Variants in GPC5 observed in about 807,000 individuals in gnomAD.
The protein encoded by GPC5 is glypican-5.
GPC5 carries 47 observed loss-of-function variants against 53.9 expected under a neutral mutation model. That is an observed-to-expected ratio of 0.87 (90% CI 0.69 to 1.11). The LOEUF is 1.11. Ranked by LOEUF, GPC5 falls within the 50% of genes most tolerant of loss-of-function variation. The pLI is 0.00. For synonymous variants in GPC5, 286 were observed against 263.3 expected, an observed-to-expected ratio of 1.09 and a Z score of -0.84; for missense variants, 748 against 713.1, an observed-to-expected ratio of 1.05 and a Z score of -0.56.
chr13:92,410,349 T>A (rs1398254751), intron 7 of GPC5, among the ~76,000 whole-genome samples: 1 of 152,200 alleles, frequency 6.6e-6, no homozygotes, highest in Non-Finnish European at 1.5e-5. Context: ...ACATTTTAGA[T>A]AATTAATCTG....
chr13:92,581,928 T>C (rs1883386666), intron 7 of GPC5, among the ~76,000 whole-genome samples: 2 of 152,132 alleles, frequency 1.3e-5, no homozygotes, highest in South Asian at 2.1e-4. Flanking sequence ...TAGTTTTGAG[T>C]TCCTTATATA....
chr13:92,384,684 A>G (rs1013129424), intron 7 of GPC5, among the ~76,000 whole-genome samples: 4 of 152,164 alleles, frequency 2.6e-5, no homozygotes, highest in African/African-American at 9.7e-5. Context: ...CATTACCTTC[A>G]TCTGAGCAAC....
Position 92,517,497 on chromosome 13 carries a change from G to A in GPC5, c.1562-348785G>A, listed in dbSNP as rs188355428. 4.6e-3 allele frequency among the ~76,000 whole-genome samples: 694 copies of A among 152,284 alleles called. 2 individuals carry two copies. Among genetic ancestry groups the A allele is most frequent in the South Asian group, 8.5e-3 (41 of 4,824 alleles). ...CCCCTGGGAGATGAAGCTTCCAGAG[G>A]AACGATCACGCAGCAACATTTGCTG... On this transcript the variant is annotated intron_variant, in intron 7 of 7. Transcript: ENST00000377067.
At chr13:92,309,566 T>A (rs1243944827) in intron 7 of GPC5, among the ~76,000 whole-genome samples, 1 of 152,124 alleles carries the variant, frequency 6.6e-6, no homozygotes, top group African/African-American at 2.4e-5. Context: ...TAAACATCAT[T>A]TAAAATATTT....
intron 6 of GPC5, among the ~76,000 whole-genome samples, chr13:92,036,402 T>G (rs2040893416): frequency 6.6e-6 from 1 of 152,198 alleles, no homozygotes; most frequent in Non-Finnish European, 1.5e-5. Context: ...AAATAGCATA[T>G]TTCTGATCAA....
intron 5 of GPC5, among the ~76,000 whole-genome samples, chr13:91,900,982 C>T (rs2039492424): frequency 6.6e-6 from 1 of 151,996 alleles, no homozygotes; most frequent in African/African-American, 2.4e-5. Context: ...GATTAATATC[C>T]ATTCTTTAAT....
chr13:92,761,702 T>A (rs1303315863), intron 7 of GPC5, among the ~76,000 whole-genome samples: 1 of 152,216 alleles, frequency 6.6e-6, no homozygotes, highest in Non-Finnish European at 1.5e-5. Flanking sequence ...TAGAATGTAA[T>A]CCATTTACAT....
chr13:92,568,918 TC>T (rs1882940115), intron 7 of GPC5, among the ~76,000 whole-genome samples: 1 of 152,076 alleles, frequency 6.6e-6, no homozygotes, highest in Admixed American at 6.6e-5. Flanking sequence ...AGGCATTGTT[TC>T]TTTTTTTTAG....
intron 7 of GPC5, among the ~76,000 whole-genome samples, chr13:92,461,932 T>A (rs1025983967): frequency 7.2e-5 from 11 of 152,046 alleles, no homozygotes; most frequent in African/African-American, 2.4e-4. Context: ...AAGACCTGTG[T>A]GAAGTGAGGG....
chr13:92,100,992 C>G (rs1164301700), intron 6 of GPC5, among the ~76,000 whole-genome samples: 1 of 151,784 alleles, frequency 6.6e-6, no homozygotes, highest in Non-Finnish European at 1.5e-5. Flanking sequence ...TGAAATATAT[C>G]TATCCCCTAG....
intron 4 of GPC5, among the ~76,000 whole-genome samples, chr13:91,729,358 ATG>A (rs372725706): frequency 4.4e-4 from 67 of 152,260 alleles, no homozygotes; most frequent in African/African-American, 1.5e-3. Flanking sequence ...AAATTATTAT[ATG>A]TGTGTGTGTT....
intron 6 of GPC5, among the ~76,000 whole-genome samples, chr13:91,910,019 A>G (rs1448607572): frequency 8.5e-5 from 13 of 152,194 alleles, no homozygotes; most frequent in Non-Finnish European, 8.8e-5. Context: ...GCAAGAGAAT[A>G]TCAAATACAA....
chr13:91,548,803 A>G (rs574131390), intron 2 of GPC5, among the ~76,000 whole-genome samples: 2 of 152,336 alleles, frequency 1.3e-5, no homozygotes, highest in South Asian at 2.1e-4. Flanking sequence ...CCACATAAAC[A>G]TTGTCAACTG....
At chr13:91,638,959 ATGATGCTTAAAGAAAGTAAAGATAAATG>A (rs2034352443) in intron 2 of GPC5, among the ~76,000 whole-genome samples, 1 of 152,222 alleles carries the variant, frequency 6.6e-6, no homozygotes, top group South Asian at 2.1e-4. Context: ...CAAAAAGGCA[ATGATGCTTAAAGAAAGTAAAGATAAATG>A]TGAACAAAGT....
At chr13:91,646,316 A>G (rs568624111) in intron 2 of GPC5, among the ~76,000 whole-genome samples, 13 of 149,804 alleles carry the variant, frequency 8.7e-5, no homozygotes, top group Admixed American at 6.6e-4. Context: ...TGGTTGGATG[A>G]AAATATATAT....
At chr13:92,703,679 A>G (rs1163984882) in intron 7 of GPC5, among the ~76,000 whole-genome samples, 1 of 150,720 alleles carries the variant, frequency 6.6e-6, no homozygotes, top group Non-Finnish European at 1.5e-5. Flanking sequence ...ATTTATTCAT[A>G]AAGAATATAA....
At chr13:92,646,971 T>TATAA (rs1885795628) in intron 7 of GPC5, among the ~76,000 whole-genome samples, 1 of 151,062 alleles carries the variant, frequency 6.6e-6, no homozygotes, top group African/African-American at 2.4e-5. Flanking sequence ...TGTGTGTATA[T>TATAA]AAACCTGGCA....
At chr13:91,445,053 G>A (rs963849408) in intron 1 of GPC5, among the ~76,000 whole-genome samples, 1 of 152,186 alleles carries the variant, frequency 6.6e-6, no homozygotes, top group African/African-American at 2.4e-5. Context: ...TTTGAGTTGC[G>A]ATGGCAAAAC....
chr13:92,008,450 C>A (rs2040630284), intron 6 of GPC5, among the ~76,000 whole-genome samples: 1 of 151,392 alleles, frequency 6.6e-6, no homozygotes, highest in Non-Finnish European at 1.5e-5. Flanking sequence ...TGTCATTTTT[C>A]TTCCCCATGA....
Sources: gnomAD v4.1 joint callset for allele counts (sites outside exome capture counted in the v4.1 genomes callset) on GRCh38, gnomAD v4.1.1 for gene constraint, MANE v1.5 for transcripts, NCBI Gene and HGNC (gene_info 2026-07-23, HGNC 2026-07-21) for gene names.